The following MUC5B variants were observed in gnomAD, a reference collection of about 807,000 sequenced individuals.
MUC5B encodes mucin 5B, oligomeric mucus/gel-forming.
In MUC5B, 116 loss-of-function variants were observed where a neutral mutation model predicts 376.9. The observed-to-expected ratio is 0.31, with a 90% CI of 0.26 to 0.36. MUC5B has a LOEUF of 0.36. Ranked by LOEUF, MUC5B falls within the 10% of genes least tolerant of loss-of-function variation. The probability of loss-of-function intolerance (pLI) is 1.00; values close to 1 mark genes in which losing one functional copy is unlikely to be tolerated. For synonymous variants in MUC5B, 3,517 were observed against 3,390.9 expected (o/e 1.04, Z -1.29); for missense variants, 7,165 against 7,769.9 (o/e 0.92, Z 2.93).
At position 1,229,250 on chromosome 11, in the gene MUC5B, C is replaced by A; in HGVS notation, c.1057C>A (p.Gln353Lys). ...CACCTGCTCCAACCCCCAGCGCGCG[C>A]AGCTCTGCGAGGACCACTGTGTGGA... ...TDTCSNPQRA[Q>K]LCEDHCVDGC... The change falls in exon 9 of 49, where the codon CAG (glutamine) becomes AAG (lysine). Residue 353 changes from glutamine to lysine, a missense_variant. Gln to Lys is a moderately conservative substitution (Grantham distance 53). Transcript: ENST00000529681. 1 of 1,592,908 alleles carries A rather than the reference C, an allele frequency of 6.3e-7. No homozygotes were observed. Among genetic ancestry groups the A allele is most frequent in the Non-Finnish European group, 8.5e-7 (1 of 1,172,944 alleles).
chr11:1,230,269 G>T (rs1399463044), intron 11 of MUC5B, 126 bp downstream of exon 11: 2 of 1,363,232 alleles, frequency 1.5e-6, no homozygotes, highest in Non-Finnish European at 2.0e-6. Flanking sequence ...GGGGAGCCCT[G>T]GGTCCCCATG....
In MUC5B at chr11:1,241,922, C is replaced by A; in HGVS notation, c.5042C>A (p.Thr1681Lys). The A allele has an allele frequency of 6.2e-7, 1 of 1,609,678 alleles. No homozygotes were observed. Among genetic ancestry groups the A allele is most frequent in the Non-Finnish European group, 8.5e-7 (1 of 1,178,220 alleles). The change falls in exon 31 of 49, where the codon ACA (threonine) becomes AAA (lysine). Residue 1681 changes from threonine (T) to lysine (K), a missense_variant. Coordinates refer to ENST00000529681, the MANE Select transcript of MUC5B (RefSeq NM_002458.3). ...TGGPTTPAGS[T>K]EPTVPGVATS... is the part of the protein sequence containing the mutation. Reference sequence around the variant, plus strand: ...GGCCCCACGACGCCTGCAGGCTCCACAGAACCCACTGTCCCAGGGGTGGCC... The same window carrying A: ...GGCCCCACGACGCCTGCAGGCTCCAAAGAACCCACTGTCCCAGGGGTGGCC...
rs776347696 is a variant in MUC5B at position 1,260,356 on chromosome 11, C to A, written c.16929C>A (p.Ser5643Arg). ...SCPDVSSCRG[S>R]LRKTGCCYSC... ...CTGTCTTTGGCCCCCACCAGGGGAG[C>A]CTCAGGAAAACCGGCTGCTGCTACT... The change falls in exon 47 of 49, where the codon AGC becomes AGA. Residue 5643 changes from serine (S) to arginine (R), a missense_variant. Coordinates refer to ENST00000529681, the MANE Select transcript of MUC5B (RefSeq NM_002458.3). The A allele has an allele frequency of 2.5e-6, 4 of 1,612,472 alleles. No homozygotes were observed. The East Asian group carries it at 6.7e-5, about 27-fold the overall frequency.
chr11:1,254,815 A>G lies in MUC5B; in HGVS notation c.15599A>G (p.Asn5200Ser), dbSNP rs1862792472. The stretch of plus-strand genomic sequence containing the variant: ...GCCCTGGGCGTGAGCGTCACCTTCA[A>G]TGGCCAAGTCTTCCAGGCCCGGCTG... ...IPALGVSVTF[N>S]GQVFQARLPY... The change falls in exon 35 of 49, where the codon AAT becomes AGT. Residue 5200 changes from asparagine to serine, a missense_variant. Physicochemically the swap from Asn to Ser is conservative, Grantham distance 46. This residue lies in a region of MUC5B where 842 missense variants were observed against 1,016.9 expected (regional missense o/e 0.83). Coordinates refer to ENST00000529681, the MANE Select transcript of MUC5B (RefSeq NM_002458.3). 2 of 1,612,540 alleles carry G rather than the reference A, an allele frequency of 1.2e-6. No homozygotes were observed. Among genetic ancestry groups the G allele is most frequent in the Non-Finnish European group, 1.7e-6 (2 of 1,179,786 alleles).
chr11:1,250,438 A>G lies in MUC5B; in HGVS notation c.13558A>G (p.Thr4520Ala). Residue 4520 changes from threonine (T) to alanine (A), a missense_variant, in exon 31 of 49, where the codon ACC becomes GCC. By Grantham distance (58) the Thr-to-Ala change is moderately conservative (BLOSUM62 0). This residue lies in a region of MUC5B where 431 missense variants were observed against 390.4 expected (regional missense o/e 1.10). Coordinates refer to ENST00000529681, the MANE Select transcript of MUC5B (RefSeq NM_002458.3). ...LRSTATTPTA[T>A]SFTAIPSSSL... ...AAGCACAGCCACCACACCCACAGCT[A>G]CCAGCTTTACAGCCATCCCCTCCTC... 5 of 1,594,448 alleles carry G rather than the reference A, an allele frequency of 3.1e-6. No individual in the cohort carries two copies. The highest frequency in any genetic ancestry group is 4.3e-6 in the Non-Finnish European group (5 of 1,163,822).
chr11:1,254,901 G>A (rs777653024), intron 35 of MUC5B, 21 bp downstream of exon 35: 1 of 1,579,508 alleles, frequency 6.3e-7, no homozygotes, highest in South Asian at 1.1e-5. Context: ...GGCGGGTCCT[G>A]CCCCGGCCAG....
chr11:1,259,191 C>T (rs1454279314), intron 44 of MUC5B, 130 bp downstream of exon 44: 1 of 935,990 alleles, frequency 1.1e-6, no homozygotes, highest in African/African-American at 1.7e-5. Flanking sequence ...CACCTGCCCC[C>T]AGGTGAGTCC....
In MUC5B at chr11:1,230,015, G is replaced by A. The variant is rs780243809; in HGVS notation, c.1231G>A (p.Gly411Arg). 30 of 1,597,748 alleles carry A rather than the reference G, an allele frequency of 1.9e-5. No homozygotes were observed. The highest frequency in any genetic ancestry group is 1.4e-4 in the Admixed American group (8 of 58,554). Reference sequence around the variant, plus strand: ...GGCCTCCCTCCCCAGCACCTGCTCCGGGGGGCTATGGCAGTGCCAGGACCT... The same window carrying A: ...GGCCTCCCTCCCCAGCACCTGCTCCAGGGGGCTATGGCAGTGCCAGGACCT... ...NTTCSSCTCSGGLWQCQDLPC... is the reference protein window; with the variant it reads ...NTTCSSCTCSRGLWQCQDLPC... The change falls in exon 11 of 49, where the codon GGG (glycine) becomes AGG (arginine). Residue 411 changes from glycine (G) to arginine (R), a missense_variant. By Grantham distance (125) the Gly-to-Arg change is moderately radical (BLOSUM62 -2). This residue lies in a region of MUC5B where 640 missense variants were observed against 733.0 expected (regional missense o/e 0.87). Coordinates refer to ENST00000529681, the MANE Select transcript of MUC5B (RefSeq NM_002458.3).
intron 31 of MUC5B, among the ~76,000 whole-genome samples, chr11:1,252,004 C>T (rs1862714413): frequency 6.6e-6 from 1 of 151,978 alleles, no homozygotes; most frequent in Non-Finnish European, 1.5e-5. Flanking sequence ...CCCTTGGCCA[C>T]ATTCGGTCTC....
Position 1,251,297 on chromosome 11 carries a change from C to T in MUC5B, c.14417C>T (p.Thr4806Met), listed in dbSNP as rs202131299. 1,225 of 1,611,670 alleles carry T rather than the reference C, an allele frequency of 7.6e-4. 19 individuals carry two copies. In the East Asian group the frequency reaches 0.018, roughly 23 times the overall value. The change falls in exon 31 of 49, where the codon ACG becomes ATG. Residue 4806 changes from threonine to methionine, a missense_variant. By Grantham distance (81) the Thr-to-Met change is moderately conservative. Coordinates refer to ENST00000529681, the MANE Select transcript of MUC5B (RefSeq NM_002458.3). The stretch of plus-strand genomic sequence containing the variant: ...ACCATGACAAGGGCCACCAATTCCA[C>T]GGCCACACCCTCCTCCACTCTGGGG... ...TATMTRATNSTATPSSTLGTT... is the reference protein window; with the variant it reads ...TATMTRATNSMATPSSTLGTT...
intron 10 of MUC5B, 96 bp from the exon 11 acceptor site, chr11:1,229,909 G>C: frequency 1.3e-6 from 2 of 1,546,290 alleles, no homozygotes; most frequent in South Asian, 2.3e-5. Flanking sequence ...GGAGCTCCTG[G>C]TGTGCACCCA....
At position 1,226,844 on chromosome 11, in the gene MUC5B, G is replaced by T. The variant is rs375739918; in HGVS notation, c.429G>T (p.Ala143=). The T allele has an allele frequency of 6.0e-5, 97 of 1,608,564 alleles. No individual in the cohort carries two copies. In the African/African-American group the frequency reaches 1.2e-3, roughly 20 times the overall value. ...VIKAQGLVLE[A]SNGSVLINGQ... ...AGGCCCAGGGGCTGGTGCTGGAGGCGTCCAACGGCTCCGTCCTCATCAATG... is the reference window on the plus strand; with the variant it reads ...AGGCCCAGGGGCTGGTGCTGGAGGCTTCCAACGGCTCCGTCCTCATCAATG... The change falls in exon 4 of 49, where the codon GCG becomes GCT. Residue 143 remains alanine (A), a synonymous_variant. Coordinates refer to ENST00000529681, the MANE Select transcript of MUC5B (RefSeq NM_002458.3).
chr11:1,255,993 C>T (rs1171647044), intron 37 of MUC5B, among the ~76,000 whole-genome samples, 163 bp from the exon 38 acceptor site: 1 of 55,724 alleles, frequency 1.8e-5, no homozygotes, highest in Non-Finnish European at 3.5e-5. Flanking sequence ...CGGCCCCGGG[C>T]CCCCCAGACC....
chr11:1,259,668 C>A lies in MUC5B; in HGVS notation c.16714-88C>A, dbSNP rs1862945547. On this transcript the variant is annotated intron_variant, in intron 44 of 48. Transcript: ENST00000529681. ...AGGGACAGGGCTAAGGGGTCCTGGA[C>A]CACTGGGGTGTAGACAGGAGGGCAG... is the stretch of plus-strand genomic sequence containing the variant. The A allele has an allele frequency of 3.6e-6, 5 of 1,382,944 alleles. No individual in the cohort carries two copies. In the African/African-American group the frequency reaches 5.7e-5, roughly 16 times the overall value. The allele number at this position is 1,382,944 out of a possible 1,614,324, so 85.7% of individuals were successfully genotyped here.
rs371328351 is a variant in MUC5B at position 1,241,125 on chromosome 11, G to C, written c.4245G>C (p.Pro1415=). The change falls in exon 31 of 49, where the codon CCG becomes CCC. Residue 1415 remains proline, a synonymous_variant. Transcript: ENST00000529681. ...GCGCCAACAGCCAACAGAGTCCCCCGCTCTGTCACGACTACGAGCTGCGGG... is the reference window on the plus strand; with the variant it reads ...GCGCCAACAGCCAACAGAGTCCCCCCCTCTGTCACGACTACGAGCTGCGGG... The part of the protein sequence containing the change: ...LMCANSQQSP[P]LCHDYELRVL... 4 of 1,611,548 alleles carry C rather than the reference G, an allele frequency of 2.5e-6. No individual in the cohort carries two copies. The highest frequency in any genetic ancestry group is 3.4e-6 in the Non-Finnish European group (4 of 1,179,090).
Position 1,253,858 on chromosome 11 carries a change from G to C in MUC5B, c.15218-234G>C, listed in dbSNP as rs1862764425. On this transcript the variant is annotated intron_variant, in intron 33 of 48. Transcript: ENST00000529681. This position sits in a 1 kb window ranked among gnomAD's most constrained non-coding sequence, Gnocchi z 4.3. Reference sequence around the variant, plus strand: ...CAAGATGCTTCCCTTAATCCCATCTGCAAAGACACTTTCTCCCGGCAAAGC... The same window carrying C: ...CAAGATGCTTCCCTTAATCCCATCTCCAAAGACACTTTCTCCCGGCAAAGC... 6.6e-6 allele frequency among the ~76,000 whole-genome samples: 1 copy of C among 152,006 alleles called. No homozygotes were observed. The highest frequency in any genetic ancestry group is 6.5e-5 in the Admixed American group (1 of 15,286).
intron 12 of MUC5B, 128 bp downstream of exon 12, chr11:1,230,728 C>A: frequency 1.1e-6 from 1 of 920,044 alleles, no homozygotes; most frequent in Non-Finnish European, 1.6e-6. Flanking sequence ...AGGCCAGGTC[C>A]CCCTCCAGCC....
Position 1,229,237 on chromosome 11 carries a change from C to G in MUC5B, c.1044C>G (p.Asn348Lys). Reference sequence around the variant, plus strand: ...CACCCTGCACGGACACCTGCTCCAACCCCCAGCGCGCGCAGCTCTGCGAGG... The same window carrying G: ...CACCCTGCACGGACACCTGCTCCAAGCCCCAGCGCGCGCAGCTCTGCGAGG... Reference protein sequence around the residue: ...CGSPCTDTCSNPQRAQLCEDH... With the variant: ...CGSPCTDTCSKPQRAQLCEDH... The change falls in exon 9 of 49, where the codon AAC (asparagine) becomes AAG (lysine). Residue 348 changes from asparagine to lysine, a missense_variant. Asn to Lys is a moderately conservative substitution (Grantham distance 94). This residue lies in a region of MUC5B where 640 missense variants were observed against 733.0 expected (regional missense o/e 0.87). Transcript: ENST00000529681. The G allele has an allele frequency of 1.3e-6, 2 of 1,596,724 alleles. No homozygotes were observed. The highest frequency in any genetic ancestry group is 1.7e-6 in the Non-Finnish European group (2 of 1,174,808).
Position 1,241,247 on chromosome 11 carries a change from C to A in MUC5B, c.4367C>A (p.Thr1456Asn), listed in dbSNP as rs771718595. 3.1e-6 allele frequency: 5 copies of A among 1,592,714 alleles called. No individual in the cohort carries two copies. Among genetic ancestry groups the A allele is most frequent in the Admixed American group, 1.8e-5 (1 of 56,552 alleles). Reference protein sequence around the residue: ...LSASTEPAVPTPTQTTATEKT... With the variant: ...LSASTEPAVPNPTQTTATEKT... ...GCCAGCACGGAGCCTGCTGTGCCTA[C>A]CCCAACCCAGACCACAGCAACCGAA... Residue 1456 changes from threonine (T) to asparagine (N), a missense_variant, in exon 31 of 49, where the codon ACC becomes AAC. Physicochemically the swap from Thr to Asn is moderately conservative, Grantham distance 65 (BLOSUM62 0). This residue lies in a region of MUC5B where 517 missense variants were observed against 545.3 expected (regional missense o/e 0.95). Transcript: ENST00000529681.
Sources: gnomAD v4.1 joint callset for allele counts (sites outside exome capture counted in the v4.1 genomes callset) on GRCh38, gnomAD v4.1.1 for gene constraint, gnomAD v4.1.1 regional missense constraint, Gnocchi (gnomAD v3.1) non-coding constraint, MANE v1.5 for transcripts, NCBI Gene and HGNC (gene_info 2026-07-23, HGNC 2026-07-21) for gene names.